The following ZNF354B variants were observed in gnomAD, a reference collection of about 807,000 sequenced individuals.
ZNF354B encodes zinc finger protein 354B.
A neutral mutation model predicts 12.9 loss-of-function variants in ZNF354B; 10 were observed. That is an observed-to-expected ratio of 0.77 (90% CI 0.48 to 1.31). The LOEUF (loss-of-function observed/expected upper bound fraction) is 1.31, where lower values mean the gene tolerates loss of function less well. Ranked by LOEUF, ZNF354B falls within the 40% of genes most tolerant of loss-of-function variation. The pLI is 0.00. For missense variants in ZNF354B, 614 were observed against 711.7 expected, an observed-to-expected ratio of 0.86 and a Z score of 1.56; for synonymous variants, 260 against 243.7, an observed-to-expected ratio of 1.07 and a Z score of -0.62.
chr5:178,878,939 G>C (rs1757679128), intron 4 of ZNF354B, among the ~76,000 whole-genome samples: 1 of 152,096 alleles, frequency 6.6e-6, no homozygotes. Flanking sequence ...GACTTCAAAT[G>C]ATGCACCCGC....
intron 4 of ZNF354B, among the ~76,000 whole-genome samples, chr5:178,879,753 C>T (rs1476814125): frequency 1.3e-5 from 2 of 152,188 alleles, no homozygotes; most frequent in East Asian, 1.9e-4. Flanking sequence ...AACCCACTCA[C>T]TCCTGTTACA....
chr5:178,861,814 C>CTGAA (rs1194764014), intron 2 of ZNF354B, among the ~76,000 whole-genome samples: 1 of 152,160 alleles, frequency 6.6e-6, no homozygotes, highest in Non-Finnish European at 1.5e-5. Context: ...GGGCCTTGGG[C>CTGAA]TTCACCTCTC....
chr5:178,866,244 G>T lies in ZNF354B; in HGVS notation c.34G>T (p.Val12Leu), dbSNP rs376949664. 6.2e-7 allele frequency: 1 copy of T among 1,614,038 alleles called. No individual in the cohort carries two copies. The change falls in exon 3 of 5, where the codon GTG becomes TTG. Residue 12 changes from valine to leucine, a missense_variant and splice_region_variant. Coordinates refer to ENST00000322434, the MANE Select transcript of ZNF354B (RefSeq NM_058230.3). The stretch of plus-strand genomic sequence containing the variant: ...GAGCTGGAACGACTTGTCCTTACAG[G>T]TGTCACTGACATTCGAGGACGTGGC... ...AAGQREARPQ[V>L]SLTFEDVAVL...
chr5:178,865,161 T>C (rs1757428154), intron 2 of ZNF354B, among the ~76,000 whole-genome samples: 1 of 152,180 alleles, frequency 6.6e-6, no homozygotes, highest in South Asian at 2.1e-4. Context: ...ATTAAGTATG[T>C]GGTAGATTTT....
chr5:178,883,142 T>TA lies in ZNF354B; in HGVS notation c.693dup (p.His232ThrfsTer12). 1 of 1,613,228 alleles carries TA rather than the reference T, an allele frequency of 6.2e-7. No homozygotes were observed. On this transcript the variant is annotated frameshift_variant, in exon 5 of 5. Transcript: ENST00000322434. LOFTEE classifies it low-confidence loss of function (END_TRUNC). ...CCTTCATTCACAATTCATCCCTTCG[T>TA]AAACATCAGAAAAACCACACTGGAG...
At chr5:178,861,679 C>CA (rs1757351432) in intron 2 of ZNF354B, among the ~76,000 whole-genome samples, 1 of 152,196 alleles carries the variant, frequency 6.6e-6, no homozygotes, top group South Asian at 2.1e-4. Context: ...GAAGACCCCT[C>CA]AGCTAGCGGC....
chr5:178,879,422 C>G (rs1347926933), intron 4 of ZNF354B, among the ~76,000 whole-genome samples: 1 of 151,994 alleles, frequency 6.6e-6, no homozygotes, highest in Non-Finnish European at 1.5e-5. Flanking sequence ...CTCAGCTGCC[C>G]AGGCTGGAGT....
chr5:178,868,581 G>C (rs1372183117), intron 4 of ZNF354B, among the ~76,000 whole-genome samples: 1 of 152,036 alleles, frequency 6.6e-6, no homozygotes, highest in Non-Finnish European at 1.5e-5. Context: ...AAAGACACTC[G>C]GTGCTGTGAG....
intron 4 of ZNF354B, among the ~76,000 whole-genome samples, chr5:178,880,206 CTT>C (rs763531721): frequency 9.8e-5 from 14 of 142,338 alleles, no homozygotes; most frequent in Middle Eastern, 3.6e-3. Flanking sequence ...CCTTTTCTTT[CTT>C]TTTTTTTTTT....
At chr5:178,877,053 G>A (rs1484479892) in intron 4 of ZNF354B, among the ~76,000 whole-genome samples, 1 of 151,966 alleles carries the variant, frequency 6.6e-6, no homozygotes, top group East Asian at 1.9e-4. Context: ...ACTAGTCCAG[G>A]AATTAGCCTG....
chr5:178,872,268 C>G (rs1021757902), intron 4 of ZNF354B, among the ~76,000 whole-genome samples: 13 of 150,232 alleles, frequency 8.7e-5, no homozygotes, highest in Admixed American at 6.6e-5. Flanking sequence ...TTTTTTTTTG[C>G]CCCACTTAAC....
intron 4 of ZNF354B, among the ~76,000 whole-genome samples, chr5:178,876,998 T>C (rs936661334): frequency 9.3e-5 from 14 of 150,908 alleles, no homozygotes; most frequent in African/African-American, 3.4e-4. Context: ...ATTTGCTGGG[T>C]TTTGTTTTGT....
At chr5:178,865,007 A>G (rs1757425143) in intron 2 of ZNF354B, among the ~76,000 whole-genome samples, 2 of 152,182 alleles carry the variant, frequency 1.3e-5, no homozygotes, top group African/African-American at 4.8e-5. Flanking sequence ...ATGTCTTTTT[A>G]TGTCAACAAA....
At chr5:178,871,121 A>T (rs1412144907) in intron 4 of ZNF354B, among the ~76,000 whole-genome samples, 1 of 152,150 alleles carries the variant, frequency 6.6e-6, no homozygotes, top group East Asian at 1.9e-4. Context: ...TTCTGTGCTC[A>T]AAATCTCCGT....
chr5:178,873,498 A>T (rs540535067), intron 4 of ZNF354B, among the ~76,000 whole-genome samples: 1 of 152,100 alleles, frequency 6.6e-6, no homozygotes, highest in Non-Finnish European at 1.5e-5. Context: ...TTTGCATGCG[A>T]ATCTTCAGTT....
At chr5:178,879,844 T>C (rs1757692237) in intron 4 of ZNF354B, among the ~76,000 whole-genome samples, 1 of 152,164 alleles carries the variant, frequency 6.6e-6, no homozygotes, top group African/African-American at 2.4e-5. Context: ...GTAGAGAGAA[T>C]AGGCTGGGCG....
At chr5:178,863,518 C>T (rs1477168895) in intron 2 of ZNF354B, among the ~76,000 whole-genome samples, 3 of 152,150 alleles carry the variant, frequency 2.0e-5, no homozygotes, top group Admixed American at 6.5e-5. Context: ...GCCTGCCAGT[C>T]CTATAAAAGT....
Position 178,861,049 on chromosome 5 carries a change from TG to T in ZNF354B, c.4del (p.Ala2?). The T allele has an allele frequency of 8.6e-7, 1 of 1,160,908 alleles. No individual in the cohort carries two copies. The highest frequency in any genetic ancestry group is 1.2e-6 in the Non-Finnish European group (1 of 802,030). 71.9% of individuals were successfully genotyped at this position (1,160,908 alleles called of 1,614,324 possible). A position where few individuals can be genotyped will look rare whatever the true frequency, so the allele number is the denominator to read the frequency against. On this transcript the variant is annotated frameshift_variant and start_lost, in exon 2 of 5. Transcript: ENST00000322434. LOFTEE classifies it high-confidence loss of function. ...TCCCGGGAGAGCCAGAAAGAGGACA[TG>T]GCTGCTGGGCAGCGGGAAGCGAGGC... MAAGQREARPQ... is the reference protein window; with the variant it reads XAAGQREARPQ...
chr5:178,871,515 TCTTCATGATC>T (rs1288216075), intron 4 of ZNF354B, among the ~76,000 whole-genome samples: 5 of 152,340 alleles, frequency 3.3e-5, no homozygotes, highest in Admixed American at 1.3e-4. Context: ...TAGACCTGTT[TCTTCATGATC>T]TGTCTCTGCC....
Sources: gnomAD v4.1 joint callset for allele counts (sites outside exome capture counted in the v4.1 genomes callset) on GRCh38, gnomAD v4.1.1 for gene constraint, MANE v1.5 for transcripts, NCBI Gene and HGNC (gene_info 2026-07-23, HGNC 2026-07-21) for gene names.